ZZZ3: variants seen among roughly 807,000 people sequenced by gnomAD.
The protein encoded by ZZZ3 is ZZ-type zinc finger-containing protein 3.
In ZZZ3, 22 loss-of-function variants were observed where a neutral mutation model predicts 95.2. The observed-to-expected ratio is 0.23, with a 90% CI of 0.17 to 0.33. The LOEUF (loss-of-function observed/expected upper bound fraction) is 0.33. ZZZ3 is among the 10% of genes least tolerant of loss of function. The pLI is 1.00. For missense variants in ZZZ3, 885 were observed against 1,066.5 expected (o/e 0.83, Z 2.37); for synonymous variants, 335 against 358.9 (o/e 0.93, Z 0.75).
chr1:77,673,052 AC>A (rs1343265753), intron 1 of ZZZ3, among the ~76,000 whole-genome samples: 1 of 152,332 alleles, frequency 6.6e-6, no homozygotes, highest in East Asian at 1.9e-4. Context: ...CTTAATCATG[AC>A]CAAAATACCT....
intron 5 of ZZZ3, among the ~76,000 whole-genome samples, chr1:77,604,812 T>C (rs956376221): frequency 6.6e-5 from 10 of 152,260 alleles, no homozygotes; most frequent in Non-Finnish European, 1.2e-4. Context: ...TTGTATCTGA[T>C]AAAATTTTCT....
At chr1:77,567,144 T>C (rs1297360779) in intron 13 of ZZZ3, among the ~76,000 whole-genome samples, 2 of 152,216 alleles carry the variant, frequency 1.3e-5, no homozygotes, top group African/African-American at 4.8e-5. Flanking sequence ...AGTACTTTCA[T>C]GTGCACCCAC....
intron 5 of ZZZ3, among the ~76,000 whole-genome samples, chr1:77,609,967 C>A (rs1665622255): frequency 6.6e-6 from 1 of 151,638 alleles, no homozygotes; most frequent in Admixed American, 6.6e-5. Flanking sequence ...TAAAATGCAT[C>A]TTAAAGCAAG....
intron 4 of ZZZ3, among the ~76,000 whole-genome samples, 153 bp from the exon 5 acceptor site, chr1:77,633,558 AT>A (rs1309547969): frequency 3.9e-5 from 6 of 152,224 alleles, no homozygotes; most frequent in Non-Finnish European, 8.8e-5. Flanking sequence ...TGTGATAAAA[AT>A]TCTTTAACGT....
chr1:77,594,820 C>T (rs1994924), intron 5 of ZZZ3, among the ~76,000 whole-genome samples: 2,914 of 148,468 alleles, frequency 0.02, 97 homozygotes, highest in Admixed American at 0.1. Context: ...AAAACTAGAC[C>T]AACAACAAGA....
chr1:77,651,741 G>C (rs1173921773), intron 1 of ZZZ3, among the ~76,000 whole-genome samples: 1 of 152,172 alleles, frequency 6.6e-6, no homozygotes, highest in Non-Finnish European at 1.5e-5. Flanking sequence ...AATGGGGCTG[G>C]GCACGGTGGC....
At chr1:77,648,215 G>A (rs1163027696) in intron 1 of ZZZ3, among the ~76,000 whole-genome samples, 1 of 151,902 alleles carries the variant, frequency 6.6e-6, no homozygotes, top group Non-Finnish European at 1.5e-5. Context: ...CAGATGTTGT[G>A]GCACATGCCT....
At chr1:77,668,272 C>T (rs1671429736) in intron 1 of ZZZ3, among the ~76,000 whole-genome samples, 1 of 152,116 alleles carries the variant, frequency 6.6e-6, no homozygotes, top group African/African-American at 2.4e-5. Context: ...CTTTCTGAAA[C>T]CTGCTTTTCT....
At chr1:77,573,300 T>A (rs62850360) in intron 12 of ZZZ3, among the ~76,000 whole-genome samples, 1 of 141,418 alleles carries the variant, frequency 7.1e-6, no homozygotes, top group South Asian at 2.2e-4. Context: ...TTTTTTTTTT[T>A]AAGTAGAGAT....
chr1:77,661,467 T>C (rs1670782097), intron 1 of ZZZ3, among the ~76,000 whole-genome samples: 1 of 151,864 alleles, frequency 6.6e-6, no homozygotes, highest in African/African-American at 2.4e-5. Flanking sequence ...CCAAGTAAAT[T>C]TCCAATGCAA....
At chr1:77,678,458 C>A (rs1186602240) in intron 1 of ZZZ3, among the ~76,000 whole-genome samples, 1 of 152,128 alleles carries the variant, frequency 6.6e-6, no homozygotes, top group Non-Finnish European at 1.5e-5. Context: ...ATAGCAATCT[C>A]AAAAGACACC....
At chr1:77,645,254 A>T (rs1669153351) in intron 1 of ZZZ3, 1 of 152,222 alleles carries the variant, frequency 6.6e-6, no homozygotes, top group South Asian at 2.1e-4. Context: ...TAATCAATTA[A>T]TTAAAAGAAA....
chr1:77,602,402 A>G (rs1664815652), intron 5 of ZZZ3, among the ~76,000 whole-genome samples: 1 of 152,182 alleles, frequency 6.6e-6, no homozygotes, highest in Non-Finnish European at 1.5e-5. Flanking sequence ...TACAGAGTGC[A>G]TATTTGTTTG....
intron 5 of ZZZ3, among the ~76,000 whole-genome samples, chr1:77,626,474 A>G (rs972723950): frequency 4.6e-5 from 7 of 152,206 alleles, no homozygotes; most frequent in Non-Finnish European, 8.8e-5. Context: ...ATCATCAGGC[A>G]TTAGATTCTC....
At chr1:77,569,774 CA>C (rs1369642335) in intron 12 of ZZZ3, among the ~76,000 whole-genome samples, 1 of 152,164 alleles carries the variant, frequency 6.6e-6, no homozygotes, top group Non-Finnish European at 1.5e-5. Context: ...ATTCTCACCC[CA>C]AATAATCAGC....
rs1668577377 is a variant in ZZZ3 at position 77,639,451 on chromosome 1, G to A, written c.-54C>T. The A allele has an allele frequency of 6.6e-7, 1 of 1,516,520 alleles. No individual in the cohort carries two copies. Among genetic ancestry groups the A allele is most frequent in the Non-Finnish European group, 8.8e-7 (1 of 1,132,266 alleles). 93.9% of individuals were successfully genotyped at this position (1,516,520 alleles called of 1,614,324 possible). A position where few individuals can be genotyped will look rare whatever the true frequency, so the allele number is the denominator to read the frequency against. On this transcript the variant is annotated splice_region_variant and 5_prime_UTR_variant, in exon 4 of 15. Coordinates refer to ENST00000370801, the MANE Select transcript of ZZZ3 (RefSeq NM_015534.6). ...TACTGCAAAACTAAATAACTTACCTGTACAACCAAAGATCTATCATTGTGG... is the reference window on the plus strand; with the variant it reads ...TACTGCAAAACTAAATAACTTACCTATACAACCAAAGATCTATCATTGTGG...
chr1:77,580,988 T>A lies in ZZZ3; in HGVS notation c.1980+10A>T. The A allele has an allele frequency of 6.2e-7, 1 of 1,612,072 alleles. No homozygotes were observed. Among genetic ancestry groups the A allele is most frequent in the African/African-American group, 1.3e-5 (1 of 74,980 alleles). ...TTTTTAAGCCTACACGATTTTGAAA[T>A]ATTTATTACCTGTTCTTCAACAGTC... On this transcript the variant is annotated intron_variant, in intron 9 of 14. Transcript: ENST00000370801.
At position 77,563,557 on chromosome 1, in the gene ZZZ3, G is replaced by GT. The variant is rs2100431978; in HGVS notation, c.*2082dup. The GT allele has an allele frequency of 6.6e-6, 1 of 152,232 alleles. No homozygotes were observed. The highest frequency in any genetic ancestry group is 1.9e-4 in the East Asian group (1 of 5,186). 9.4% of individuals were successfully genotyped at this position (152,232 alleles called of 1,614,324 possible). Reference sequence around the variant, plus strand: ...TGTCTATTCCATTTATATAACAATTGTATCACTCATATCCCTCTTCCAAAG... The same window carrying GT: ...TGTCTATTCCATTTATATAACAATTGTTATCACTCATATCCCTCTTCCAAAG... On this transcript the variant is annotated 3_prime_UTR_variant, in exon 15 of 15. Transcript: ENST00000370801.
At chr1:77,650,229 G>A (rs551652549) in intron 1 of ZZZ3, among the ~76,000 whole-genome samples, 1 of 152,092 alleles carries the variant, frequency 6.6e-6, no homozygotes, top group East Asian at 1.9e-4. Flanking sequence ...GGAACAAAAA[G>A]CATATAGAAA....
Sources: allele counts gnomAD v4.1 joint callset (sites outside exome capture counted in the v4.1 genomes callset), GRCh38; gene constraint gnomAD v4.1.1; transcripts MANE v1.5; gene names NCBI Gene and HGNC (gene_info 2026-07-23, HGNC 2026-07-21).